The following VAPA variants were observed in gnomAD, a reference collection of about 807,000 sequenced individuals.
VAPA encodes the protein VAMP associated protein A.
VAPA carries 6 observed loss-of-function variants against 25.6 expected under a neutral mutation model. That is an observed-to-expected ratio of 0.23 (90% CI 0.13 to 0.46). The LOEUF is 0.46. VAPA is among the 20% of genes least tolerant of loss of function. The pLI, the probability that VAPA is intolerant of heterozygous loss-of-function variation, is 0.99. For missense variants in VAPA, 244 were observed against 302.1 expected (o/e 0.81, Z 1.43); for synonymous variants, 112 against 106.2 (o/e 1.05, Z -0.34).
intron 1 of VAPA, among the ~76,000 whole-genome samples, chr18:9,931,229 C>T (rs2069251528): frequency 6.6e-6 from 1 of 152,072 alleles, no homozygotes; most frequent in Non-Finnish European, 1.5e-5. Flanking sequence ...CTTTTGGGTT[C>T]TTTGTTTTGT....
intron 4 of VAPA, among the ~76,000 whole-genome samples, chr18:9,940,838 A>G (rs994683743): frequency 1.1e-4 from 16 of 152,354 alleles, no homozygotes; most frequent in African/African-American, 1.4e-4. Flanking sequence ...AGATTGTAAT[A>G]TATCACCATT....
intron 5 of VAPA, 53 bp from the exon 6 acceptor site, chr18:9,954,000 C>A: frequency 6.2e-7 from 1 of 1,602,356 alleles, no homozygotes; most frequent in Non-Finnish European, 8.5e-7. Context: ...CTCCAGTAGT[C>A]TCGTTAGTAT....
intron 1 of VAPA, among the ~76,000 whole-genome samples, chr18:9,923,174 C>T (rs553321982): frequency 6.6e-6 from 1 of 152,112 alleles, no homozygotes; most frequent in Admixed American, 6.5e-5. Flanking sequence ...TTCTTTATAA[C>T]TAGTTATCAC....
At chr18:9,933,652 C>G (rs1247702079) in intron 2 of VAPA, among the ~76,000 whole-genome samples, 1 of 152,112 alleles carries the variant, frequency 6.6e-6, no homozygotes, top group Non-Finnish European at 1.5e-5. Flanking sequence ...ATTTTCCTGC[C>G]TCAGCCACTT....
At chr18:9,947,215 A>G (rs1183476925) in intron 4 of VAPA, among the ~76,000 whole-genome samples, 2 of 970 alleles carry the variant, frequency 2.1e-3, no homozygotes, top group East Asian at 0.2. Flanking sequence ...TAAATGATAA[A>G]AAGCATAACA....
intron 2 of VAPA, among the ~76,000 whole-genome samples, chr18:9,935,437 G>A (rs945656070): frequency 6.6e-6 from 1 of 152,120 alleles, no homozygotes; most frequent in African/African-American, 2.4e-5. Context: ...AGCTGGGCAT[G>A]GTGGCATGTG....
intron 1 of VAPA, among the ~76,000 whole-genome samples, chr18:9,920,827 C>T (rs1324576567): frequency 1.3e-5 from 2 of 152,208 alleles, no homozygotes; most frequent in Non-Finnish European, 2.9e-5. Context: ...CACTCCAGGC[C>T]ACTGCAATGC....
At chr18:9,932,632 G>A (rs935981446) in intron 2 of VAPA, among the ~76,000 whole-genome samples, 1 of 152,194 alleles carries the variant, frequency 6.6e-6, no homozygotes, top group Non-Finnish European at 1.5e-5. Flanking sequence ...GAAATAGGAA[G>A]TAAATATGAG....
At chr18:9,937,142 G>T (rs2069319243) in intron 4 of VAPA, 76 bp downstream of exon 4, 9 of 1,242,606 alleles carry the variant, frequency 7.2e-6, no homozygotes, top group Non-Finnish European at 1.0e-5. Context: ...TTTTATTTTT[G>T]ACCTTTGAGG....
At chr18:9,917,406 T>A (rs988072631) in intron 1 of VAPA, among the ~76,000 whole-genome samples, 2 of 152,206 alleles carry the variant, frequency 1.3e-5, no homozygotes, top group African/African-American at 4.8e-5. Context: ...TTCTCCTGCC[T>A]CAGTCTCCAG....
At chr18:9,934,165 A>G (rs541052205) in intron 2 of VAPA, among the ~76,000 whole-genome samples, 2 of 152,310 alleles carry the variant, frequency 1.3e-5, no homozygotes, top group African/African-American at 2.4e-5. Context: ...GCTTCTTCCA[A>G]CAACCTTCTC....
chr18:9,921,067 G>GTA (rs2069153110), intron 1 of VAPA, among the ~76,000 whole-genome samples: 1 of 152,216 alleles, frequency 6.6e-6, no homozygotes, highest in Admixed American at 6.5e-5. Context: ...TGAACTCTGA[G>GTA]TATATACCTG....
chr18:9,936,190 A>G lies in VAPA; in HGVS notation c.313A>G (p.Asn105Asp). Residue 105 changes from asparagine (N) to aspartate (D), a missense_variant, in exon 3 of 6, where the codon AAC (asparagine) becomes GAC (aspartate). This residue lies in a region of VAPA where 99 missense variants were observed against 161.6 expected (regional missense o/e 0.61). Coordinates refer to ENST00000400000, the MANE Select transcript of VAPA (RefSeq NM_194434.3). ...GGTACAGACAATTTTTGCTCCACCA[A>G]ACACTTCAGATATGGAAGCTGTGGT... ...FMVQTIFAPP[N>D]TSDMEAVWKE... 1.2e-6 allele frequency: 2 copies of G among 1,604,186 alleles called. No homozygotes were observed. Among genetic ancestry groups the G allele is most frequent in the Non-Finnish European group, 1.7e-6 (2 of 1,175,036 alleles).
At chr18:9,949,565 C>T (rs1166271695) in intron 4 of VAPA, 6 of 152,008 alleles carry the variant, frequency 3.9e-5, no homozygotes, top group African/African-American at 1.5e-4. Flanking sequence ...CAGTTTATAG[C>T]TGAATAAAGC....
chr18:9,953,109 G>A (rs2069507239), intron 5 of VAPA, among the ~76,000 whole-genome samples: 1 of 152,174 alleles, frequency 6.6e-6, no homozygotes, highest in Non-Finnish European at 1.5e-5. Flanking sequence ...TTTTTCCCAA[G>A]GTTCACATTG....
rs2069535014 is a variant in VAPA at position 9,955,214 on chromosome 18, A to G, written c.*1003A>G. On this transcript the variant is annotated 3_prime_UTR_variant, in exon 6 of 6. Coordinates refer to ENST00000400000, the MANE Select transcript of VAPA (RefSeq NM_194434.3). ...TTAACCAGCCTAATAAATAAGTCTT[A>G]CTACTTTTCATAATATTTCATAATA... 1 of 152,186 alleles carries G rather than the reference A, an allele frequency of 6.6e-6. No individual in the cohort carries two copies. The allele number at this position is 152,186 out of a possible 1,614,324, so 9.4% of individuals were successfully genotyped here.
intron 4 of VAPA, chr18:9,949,705 C>T (rs1277889696): frequency 2.0e-5 from 3 of 152,162 alleles, no homozygotes; most frequent in Admixed American, 6.5e-5. Flanking sequence ...GTACTTTAGA[C>T]AACGGGCTGA....
At chr18:9,936,915 TC>T in intron 3 of VAPA, 70 bp from the exon 4 acceptor site, 1 of 1,343,492 alleles carries the variant, frequency 7.4e-7, no homozygotes, top group Non-Finnish European at 1.1e-6. Flanking sequence ...CTTTTAGCTG[TC>T]CCGTGAGGTG....
Position 9,954,270 on chromosome 18 carries a change from T to A in VAPA, c.*59T>A. The stretch of plus-strand genomic sequence containing the variant: ...TTTTTCTCTTGACCAGAAAAAGATT[T>A]GTTTACCTACCATTTCATTGGTAGT... On this transcript the variant is annotated 3_prime_UTR_variant, in exon 6 of 6. Transcript: ENST00000400000. 2 of 1,484,764 alleles carry A rather than the reference T, an allele frequency of 1.3e-6. No homozygotes were observed. 92.0% of individuals were successfully genotyped at this position (1,484,764 alleles called of 1,614,324 possible). A position where few individuals can be genotyped will look rare whatever the true frequency, so the allele number is the denominator to read the frequency against.
Sources: gnomAD v4.1 joint callset for allele counts (sites outside exome capture counted in the v4.1 genomes callset) on GRCh38, gnomAD v4.1.1 for gene constraint, gnomAD v4.1.1 regional missense constraint, MANE v1.5 for transcripts, NCBI Gene and HGNC (gene_info 2026-07-23, HGNC 2026-07-21) for gene names.